C10orf67: variants seen among roughly 807,000 people sequenced by gnomAD.
The protein encoded by C10orf67 is chromosome 10 open reading frame 67, also known as uncharacterized protein C10orf67, mitochondrial.
C10orf67 carries 60 observed loss-of-function variants against 35.6 expected under a neutral mutation model. The ratio of observed to expected loss-of-function variants is 1.68; its 90% confidence interval spans 1.37 to 2.09. C10orf67 has a LOEUF of 2.09. Ranked by LOEUF, C10orf67 falls within the 30% of genes most tolerant of loss-of-function variation. The pLI is 0.00. For synonymous variants in C10orf67, 167 were observed against 115.8 expected, an observed-to-expected ratio of 1.44 and a Z score of -2.84; for missense variants, 474 against 330.2, an observed-to-expected ratio of 1.44 and a Z score of -3.38.
rs1390726625 is a variant in C10orf67 at position 23,303,334 on chromosome 10, G to A, written c.672C>T (p.Asp224=). 1 of 608,150 alleles carries A rather than the reference G, an allele frequency of 1.6e-6. No homozygotes were observed. The highest frequency in any genetic ancestry group is 2.9e-6 in the Non-Finnish European group (1 of 339,340). The allele number at this position is 608,150 out of a possible 1,614,324, so 37.7% of individuals were successfully genotyped here. A position where few individuals can be genotyped will look rare whatever the true frequency, so the allele number is the denominator to read the frequency against. The change falls in exon 5 of 16, where the codon GAC becomes GAT. Residue 224 remains aspartate (D), a synonymous_variant. Transcript: ENST00000636213. ...EVIKELKEEL[D]QYKDFGFHKM... ...TGTGAAATCCAAAATCTTTATATTG[G>A]TCTAGTTCTTCTTTTAATTCTTTAA...
intron 13 of C10orf67, among the ~76,000 whole-genome samples, chr10:23,232,327 C>T: frequency 6.6e-6 from 1 of 152,064 alleles, no homozygotes; most frequent in Non-Finnish European, 1.5e-5. Flanking sequence ...GAACCTTACT[C>T]CCTGGATAAA....
Position 23,243,346 on chromosome 10 carries a change from A to T in C10orf67, c.1347-3530T>A, listed in dbSNP as rs188990051. Among the ~76,000 whole-genome samples the T allele has an allele frequency of 2.2e-4, 33 of 152,280 alleles. No individual in the cohort carries two copies. The East Asian group carries it at 6.2e-3, about 28-fold the overall frequency. On this transcript the variant is annotated intron_variant, in intron 12 of 15. Transcript: ENST00000636213. ...TGGAAACAACAAAATTAATGGGTTG[A>T]CCTCATTGAAATATTTAGAACTCTT...
chr10:23,279,535 T>G (rs1231242532), intron 8 of C10orf67, among the ~76,000 whole-genome samples: 1 of 152,330 alleles, frequency 6.6e-6, no homozygotes, highest in South Asian at 2.1e-4. Flanking sequence ...GGGCAACCTA[T>G]GTACTTCCTT....
chr10:23,258,672 G>T (rs891127782), intron 10 of C10orf67: 2 of 152,242 alleles, frequency 1.3e-5, no homozygotes, highest in Non-Finnish European at 2.9e-5. Flanking sequence ...ACATTGGCCA[G>T]ATTTTATGGG....
chr10:23,204,087 A>T lies in C10orf67; in HGVS notation c.*86T>A, dbSNP rs1841091287. 1 of 453,218 alleles carries T rather than the reference A, an allele frequency of 2.2e-6. No homozygotes were observed. The highest frequency in any genetic ancestry group is 2.0e-5 in the African/African-American group (1 of 49,368). The allele number at this position is 453,218 out of a possible 1,614,324, so 28.1% of individuals were successfully genotyped here. ...AGTTTAGAAAATCCTTGGAGATAGT[A>T]TCCTTTCCGAGGGAGGCACCTTACA... is the stretch of plus-strand genomic sequence containing the variant. On this transcript the variant is annotated 3_prime_UTR_variant, in exon 16 of 16. Transcript: ENST00000636213.
At chr10:23,244,644 A>C (rs1193869950) in intron 12 of C10orf67, among the ~76,000 whole-genome samples, 1 of 152,328 alleles carries the variant, frequency 6.6e-6, no homozygotes, top group East Asian at 1.9e-4. Flanking sequence ...TTTAACCAAC[A>C]AGGTAAAAGA....
In C10orf67 at chr10:23,289,883, G is replaced by A. The variant is rs755405414; in HGVS notation, c.909+17C>T. ...CCATTTAAAAGAGTCATTTATCAAC[G>A]TAAAACGTTATAGTACCTTTTGAAT... On this transcript the variant is annotated intron_variant, in intron 7 of 15. Coordinates refer to ENST00000636213, the MANE Select transcript of C10orf67 (RefSeq NM_001371909.1). 40 of 714,740 alleles carry A rather than the reference G, an allele frequency of 5.6e-5. No homozygotes were observed. The highest frequency in any genetic ancestry group is 7.6e-5 in the Non-Finnish European group (29 of 384,038). 44.3% of individuals were successfully genotyped at this position (714,740 alleles called of 1,614,324 possible). A position where few individuals can be genotyped will look rare whatever the true frequency, so the allele number is the denominator to read the frequency against.
chr10:23,333,420 T>C (rs751872069), intron 1 of C10orf67, among the ~76,000 whole-genome samples: 1 of 152,228 alleles, frequency 6.6e-6, no homozygotes, highest in Non-Finnish European at 1.5e-5. Flanking sequence ...TCCACTTTTC[T>C]GAGATATGAT....
chr10:23,282,039 A>G lies in C10orf67; in HGVS notation c.949T>C (p.Tyr317His), dbSNP rs925115885. Residue 317 changes from tyrosine to histidine, a missense_variant, in exon 8 of 16, where the codon TAT becomes CAT. Transcript: ENST00000636213. ...ACATCCTGAACTAATGATTTTTCAT[A>G]ATGAAGCTCTTCTCTTAATCTGTCT... is the stretch of plus-strand genomic sequence containing the variant. ...SRDRLREELH[Y>H]EKSLVQDVIN... is the part of the protein sequence containing the mutation. 4 of 626,334 alleles carry G rather than the reference A, an allele frequency of 6.4e-6. No individual in the cohort carries two copies. Among genetic ancestry groups the G allele is most frequent in the Middle Eastern group, 2.5e-4 (1 of 4,026 alleles). The allele number at this position is 626,334 out of a possible 1,614,324, so 38.8% of individuals were successfully genotyped here.
Position 23,223,578 on chromosome 10 carries a change from C to T in C10orf67, c.1570+20G>A. 1 of 717,162 alleles carries T rather than the reference C, an allele frequency of 1.4e-6. No homozygotes were observed. Among genetic ancestry groups the T allele is most frequent in the Non-Finnish European group, 2.6e-6 (1 of 384,852 alleles). The allele number at this position is 717,162 out of a possible 1,614,324, so 44.4% of individuals were successfully genotyped here. On this transcript the variant is annotated intron_variant, in intron 15 of 15. Transcript: ENST00000636213. ...AGCCATTCTGGTGTGAACCTCATTT[C>T]CAACAATAATGATTCTTACCTTTTG...
At chr10:23,206,976 A>T (rs1429111453) in intron 15 of C10orf67, among the ~76,000 whole-genome samples, 115 of 152,238 alleles carry the variant, frequency 7.6e-4, no homozygotes, top group Non-Finnish European at 7.3e-5. Flanking sequence ...CTTAAATGTT[A>T]GCAGACACAC....
At position 23,213,877 on chromosome 10, in the gene C10orf67, T is replaced by C. The variant is rs181300764; in HGVS notation, c.1571-9622A>G. On this transcript the variant is annotated intron_variant, in intron 15 of 15. Coordinates refer to ENST00000636213, the MANE Select transcript of C10orf67 (RefSeq NM_001371909.1). ...TATCAATAATCACAATTGTAAACAATAAATTCACCTGTTAAAAAGTAGATT... is the reference window on the plus strand; with the variant it reads ...TATCAATAATCACAATTGTAAACAACAAATTCACCTGTTAAAAAGTAGATT... Among the ~76,000 whole-genome samples, 120 of 151,722 alleles carry C rather than the reference T, an allele frequency of 7.9e-4. 2 individuals carry two copies. Among genetic ancestry groups the C allele is most frequent in the Admixed American group, 3.1e-3 (48 of 15,270 alleles).
chr10:23,343,034 C>T (rs1845966514), intron 1 of C10orf67, among the ~76,000 whole-genome samples: 1 of 152,268 alleles, frequency 6.6e-6, no homozygotes, highest in African/African-American at 2.4e-5. Flanking sequence ...GAAACATCAG[C>T]TCTACATTAT....
At chr10:23,336,726 C>T (rs1845697304) in intron 1 of C10orf67, among the ~76,000 whole-genome samples, 1 of 152,038 alleles carries the variant, frequency 6.6e-6, no homozygotes, top group African/African-American at 2.4e-5. Context: ...GTTGGCCAGG[C>T]CGGTCTCAAA....
chr10:23,269,346 G>A (rs561389517), intron 8 of C10orf67, among the ~76,000 whole-genome samples: 67 of 152,288 alleles, frequency 4.4e-4, no homozygotes, highest in African/African-American at 1.6e-3. Flanking sequence ...CAAGTGGACT[G>A]TCAAAAGTTA....
At chr10:23,293,839 G>A (rs1843795936) in intron 5 of C10orf67, among the ~76,000 whole-genome samples, 1 of 152,226 alleles carries the variant, frequency 6.6e-6, no homozygotes, top group Admixed American at 6.5e-5. Flanking sequence ...GTACTTGGGA[G>A]CTTTGCTCCT....
chr10:23,323,695 G>A (rs901725251), intron 2 of C10orf67, among the ~76,000 whole-genome samples: 1 of 150,764 alleles, frequency 6.6e-6, no homozygotes, highest in Non-Finnish European at 1.5e-5. Context: ...CAGATCACCT[G>A]AAGTCAGGAG....
intron 10 of C10orf67, among the ~76,000 whole-genome samples, chr10:23,258,970 G>A (rs975642336): frequency 3.3e-5 from 5 of 152,092 alleles, no homozygotes; most frequent in African/African-American, 1.2e-4. Context: ...AAATTACTAG[G>A]TAACTTATTT....
chr10:23,236,596 G>T (rs1842059254), intron 13 of C10orf67, among the ~76,000 whole-genome samples: 1 of 152,018 alleles, frequency 6.6e-6, no homozygotes, highest in East Asian at 1.9e-4. Flanking sequence ...AAAAAACTTT[G>T]GCCGGGCGTG....
Sources: gnomAD v4.1 joint callset for allele counts (sites outside exome capture counted in the v4.1 genomes callset) on GRCh38, gnomAD v4.1.1 for gene constraint, MANE v1.5 for transcripts, NCBI Gene and HGNC (gene_info 2026-07-23, HGNC 2026-07-21) for gene names.